Variants in KGD4 observed in about 807,000 individuals in gnomAD.
The protein encoded by KGD4 is alpha-ketoglutarate dehydrogenase component 4.
chr5:69,227,990 CTTAT>C, the KGD4 span, among the ~76,000 whole-genome samples: 1 of 152,120 alleles, frequency 6.6e-6, no homozygotes, highest in African/African-American at 2.4e-5. Flanking sequence ...AAGCTACCTC[CTTAT>C]TTGTTTTTAA....
the KGD4 span, among the ~76,000 whole-genome samples, chr5:69,222,949 T>A: frequency 2.6e-5 from 4 of 151,512 alleles, no homozygotes; most frequent in African/African-American, 4.9e-5. Context: ...CTAATTTTTT[T>A]ATTTTTTTAG....
the KGD4 span, chr5:69,218,122 TAC>T: frequency 1.8e-6 from 1 of 566,686 alleles, no homozygotes; most frequent in East Asian, 3.1e-5. Flanking sequence ...GTAGGTCCTG[TAC>T]CTACTGCCGG....
the KGD4 span, among the ~76,000 whole-genome samples, chr5:69,219,137 G>A: frequency 6.6e-6 from 1 of 152,170 alleles, no homozygotes; most frequent in African/African-American, 2.4e-5. Flanking sequence ...AAATTTAGAC[G>A]TCAGTGGTGA....
At chr5:69,227,779 T>C in the KGD4 span, among the ~76,000 whole-genome samples, 1 of 152,182 alleles carries the variant, frequency 6.6e-6, no homozygotes, top group Non-Finnish European at 1.5e-5. Context: ...TAACTAGAAA[T>C]TTCATTATTT....
At chr5:69,223,712 C>T in the KGD4 span, among the ~76,000 whole-genome samples, 22 of 152,178 alleles carry the variant, frequency 1.4e-4, no homozygotes, top group Admixed American at 1.0e-3. Flanking sequence ...TGGAATTTTA[C>T]GGACAAAAAT....
the KGD4 span, among the ~76,000 whole-genome samples, chr5:69,224,167 G>A: frequency 1.7e-3 from 255 of 152,284 alleles, no homozygotes; most frequent in African/African-American, 5.8e-3. Context: ...GAAGCAGGTG[G>A]ATCATTTGAG....
chr5:69,217,831 T>G, the KGD4 span: 1 of 1,612,968 alleles, frequency 6.2e-7, no homozygotes, highest in Non-Finnish European at 8.5e-7. Flanking sequence ...TCGGGGGTCA[T>G]GATGGGCAGC....
chr5:69,220,065 A>G, the KGD4 span, among the ~76,000 whole-genome samples: 2 of 152,062 alleles, frequency 1.3e-5, no homozygotes, highest in Non-Finnish European at 2.9e-5. Context: ...CCCCATCTCT[A>G]TAAAAATTTT....
At chr5:69,228,447 G>A in the KGD4 span, 1 of 1,474,030 alleles carries the variant, frequency 6.8e-7, no homozygotes. Flanking sequence ...GGGCTTTGGG[G>A]ATTTCATTTG....
the KGD4 span, among the ~76,000 whole-genome samples, chr5:69,226,155 A>G: frequency 2.6e-5 from 4 of 152,264 alleles, no homozygotes; most frequent in Non-Finnish European, 4.4e-5. Context: ...TATAAAGTAC[A>G]AAGTTGTGTT....
At chr5:69,218,137 T>TCC in the KGD4 span, 3 of 514,804 alleles carry the variant, frequency 5.8e-6, no homozygotes, top group Non-Finnish European at 1.0e-5. Flanking sequence ...ACTGCCGGGA[T>TCC]CCCCCGCTCC....
At chr5:69,223,074 C>CTTTT in the KGD4 span, among the ~76,000 whole-genome samples, 10 of 59,130 alleles carry the variant, frequency 1.7e-4, 1 homozygote, top group Admixed American at 2.8e-4. Flanking sequence ...CGGTGCGCAG[C>CTTTT]TTTTTTTTTT....
At chr5:69,218,470 A>ATGTGTGTGTGTGTGTGTGTGTGTGTGTG in the KGD4 span, among the ~76,000 whole-genome samples, 20 of 148,522 alleles carry the variant, frequency 1.3e-4, no homozygotes, top group African/African-American at 4.2e-4. Context: ...GTGTATATTA[A>ATGTGTGTGTGTGTGTGTGTGTGTGTGTG]TGTGTGTGTG....
the KGD4 span, among the ~76,000 whole-genome samples, chr5:69,219,244 TG>T: frequency 1.3e-5 from 2 of 152,202 alleles, no homozygotes. Context: ...TAGTTAAGCA[TG>T]TATCTACCGT....
chr5:69,225,863 G>A, the KGD4 span, among the ~76,000 whole-genome samples: 2 of 152,172 alleles, frequency 1.3e-5, no homozygotes, highest in African/African-American at 2.4e-5. Context: ...ATAGGCGTGA[G>A]CCATCACACT....
chr5:69,219,571 C>T, the KGD4 span, among the ~76,000 whole-genome samples: 1 of 152,074 alleles, frequency 6.6e-6, no homozygotes, highest in Non-Finnish European at 1.5e-5. Flanking sequence ...CTGATGTGTG[C>T]AAACAAATGA....
At chr5:69,224,031 T>TAA in the KGD4 span, among the ~76,000 whole-genome samples, 1 of 115,006 alleles carries the variant, frequency 8.7e-6, no homozygotes, top group Non-Finnish European at 1.9e-5. Context: ...AGACTCTGTC[T>TAA]AAAAAAAAAA....
the KGD4 span, among the ~76,000 whole-genome samples, chr5:69,220,785 A>G: frequency 6.6e-5 from 10 of 151,016 alleles, no homozygotes; most frequent in Admixed American, 2.0e-4. Flanking sequence ...TCAGATTGTT[A>G]CTGTGTCTGT....
the KGD4 span, among the ~76,000 whole-genome samples, chr5:69,225,033 C>A: frequency 6.7e-6 from 1 of 149,042 alleles, no homozygotes; most frequent in East Asian, 2.0e-4. Flanking sequence ...GAGATCGTGC[C>A]GCTGCACTCC....
Sources: gnomAD v4.1 joint callset for allele counts (sites outside exome capture counted in the v4.1 genomes callset) on GRCh38, gnomAD v4.1.1 for gene constraint, MANE v1.5 for transcripts, NCBI Gene and HGNC (gene_info 2026-07-23, HGNC 2026-07-21) for gene names.